Variants in SEC23IP observed in about 807,000 individuals in gnomAD.
SEC23IP encodes the protein SEC23 interacting protein.
A neutral mutation model predicts 113.4 loss-of-function variants in SEC23IP; 70 were observed. The ratio of observed to expected loss-of-function variants is 0.62; its 90% CI spans 0.51 to 0.75. SEC23IP has a LOEUF of 0.75. Among genes scored for constraint, SEC23IP ranks in the 30% least tolerant of loss-of-function variants. The pLI, the probability that SEC23IP is intolerant of heterozygous loss-of-function variation, is 0.00. For missense variants in SEC23IP, 1,160 were observed against 1,204.9 expected (o/e 0.96, Z 0.55); for synonymous variants, 398 against 421.0 (o/e 0.95, Z 0.67).
intron 12 of SEC23IP, among the ~76,000 whole-genome samples, chr10:119,924,786 T>C (rs1165627082): frequency 6.6e-6 from 1 of 151,964 alleles, no homozygotes; most frequent in Admixed American, 6.6e-5. Flanking sequence ...TTTAAAAAAT[T>C]ATATTTTTTG....
At chr10:119,926,311 A>C in intron 13 of SEC23IP, 84 bp downstream of exon 13, 1 of 1,299,888 alleles carries the variant, frequency 7.7e-7, no homozygotes, top group East Asian at 2.4e-5. Flanking sequence ...AGTTCTTTAA[A>C]TATTTATTTA....
At chr10:119,912,885 C>CCCTGGCCTCAAGTCAAGG (rs1163864237) in intron 6 of SEC23IP, among the ~76,000 whole-genome samples, 2 of 152,194 alleles carry the variant, frequency 1.3e-5, no homozygotes, top group Non-Finnish European at 2.9e-5. Context: ...AAGTCATCCA[C>CCCTGGCCTCAAGTCAAGG]CTGCCTCAGC....
At position 119,926,674 on chromosome 10, in the gene SEC23IP, A is replaced by G. The variant is rs562724674; in HGVS notation, c.2313+447A>G. ...GCTGCATTTAATGATATACTTTAAC[A>G]TACTTGTATCACAGTGGCTTTTAGA... On this transcript the variant is annotated intron_variant, in intron 13 of 18. Transcript: ENST00000369075. Among the ~76,000 whole-genome samples, 4 of 152,320 alleles carry G rather than the reference A, an allele frequency of 2.6e-5. No individual in the cohort carries two copies. In the South Asian group the frequency reaches 6.2e-4, roughly 24 times the overall value.
At position 119,898,668 on chromosome 10, in the gene SEC23IP, A is replaced by G. The variant is rs779038068; in HGVS notation, c.405A>G (p.Pro135=). ...AAGATGTCTCGAATGCATTTTCACCATCCATTTCGAAGGCTCAACCTGGTG... is the reference window on the plus strand; with the variant it reads ...AAGATGTCTCGAATGCATTTTCACCGTCCATTTCGAAGGCTCAACCTGGTG... The part of the protein sequence containing the change: ...GSQDVSNAFS[P]SISKAQPGAP... Residue 135 remains proline, a synonymous_variant, in exon 2 of 19, where the codon CCA becomes CCG. Coordinates refer to ENST00000369075, the MANE Select transcript of SEC23IP (RefSeq NM_007190.4). 2 of 1,614,178 alleles carry G rather than the reference A, an allele frequency of 1.2e-6. No homozygotes were observed. Among genetic ancestry groups the G allele is most frequent in the Admixed American group, 1.7e-5 (1 of 60,026 alleles).
chr10:119,918,022 C>T lies in SEC23IP; in HGVS notation c.1731C>T (p.Val577=), dbSNP rs1283809621. 6.2e-7 allele frequency: 1 copy of T among 1,613,826 alleles called. No homozygotes were observed. The highest frequency in any genetic ancestry group is 1.3e-5 in the African/African-American group (1 of 75,046). Residue 577 remains valine, a synonymous_variant, in exon 9 of 19, where the codon GTC becomes GTT. Coordinates refer to ENST00000369075, the MANE Select transcript of SEC23IP (RefSeq NM_007190.4). ...MSRNPDFKGG[V]SVAGHSLGSL... is the part of the protein sequence containing the mutation. ...GGAACCCAGACTTCAAAGGAGGTGTCTCTGTTGCTGGTCACAGTTTAGGTA... is the reference window on the plus strand; with the variant it reads ...GGAACCCAGACTTCAAAGGAGGTGTTTCTGTTGCTGGTCACAGTTTAGGTA...
Position 119,926,715 on chromosome 10 carries a change from T to C in SEC23IP, c.2313+488T>C, listed in dbSNP as rs145676813. Among the ~76,000 whole-genome samples the C allele has an allele frequency of 1.9e-3, 288 of 152,340 alleles. 1 individual carries two copies. Among genetic ancestry groups the C allele is most frequent in the African/African-American group, 6.6e-3 (276 of 41,576 alleles). On this transcript the variant is annotated intron_variant, in intron 13 of 18. Coordinates refer to ENST00000369075, the MANE Select transcript of SEC23IP (RefSeq NM_007190.4). ...GGCTTTTAGAATTATTAAAATCCTT[T>C]TAGACAGTGTTACTGTCAGGATATT... is the stretch of plus-strand genomic sequence containing the variant.
intron 4 of SEC23IP, among the ~76,000 whole-genome samples, chr10:119,907,992 T>C (rs547307380): frequency 2.0e-5 from 3 of 152,266 alleles, no homozygotes; most frequent in Non-Finnish European, 4.4e-5. Context: ...ACTATTGATA[T>C]CACATCTACA....
chr10:119,909,988 A>G (rs745762191), intron 5 of SEC23IP, among the ~76,000 whole-genome samples: 112 of 152,324 alleles, frequency 7.4e-4, no homozygotes, highest in Non-Finnish European at 1.4e-3. Context: ...AATTTTTTTC[A>G]CTTGATCAGA....
In SEC23IP at chr10:119,930,366, T is replaced by C; in HGVS notation, c.2507T>C (p.Val836Ala). ...PVAYRLEPMI[V>A]PDLDLKAVLI... The stretch of plus-strand genomic sequence containing the variant: ...GCATATAGATTAGAACCTATGATTG[T>C]TCCAGATTTGGACCTAAAAGCTGTT... The change falls in exon 15 of 19, where the codon GTT (valine) becomes GCT (alanine). Residue 836 changes from valine to alanine, a missense_variant. By Grantham distance (64) the Val-to-Ala change is moderately conservative. Coordinates refer to ENST00000369075, the MANE Select transcript of SEC23IP (RefSeq NM_007190.4). The C allele has an allele frequency of 3.7e-6, 6 of 1,610,906 alleles. No individual in the cohort carries two copies. Among genetic ancestry groups the C allele is most frequent in the Non-Finnish European group, 5.1e-6 (6 of 1,177,502 alleles).
chr10:119,931,130 G>C (rs537568128), intron 15 of SEC23IP, among the ~76,000 whole-genome samples: 14 of 152,008 alleles, frequency 9.2e-5, no homozygotes, highest in Admixed American at 3.9e-4. Context: ...AAGTGAAGGA[G>C]CAGGGATTTC....
In SEC23IP at chr10:119,904,205, T is replaced by C; in HGVS notation, c.1029T>C (p.Cys343=). Residue 343 remains cysteine (C), a synonymous_variant, in exon 4 of 19, where the codon TGT becomes TGC. Transcript: ENST00000369075. ...WEEEPAEVRR[C]TWFYKGDTDS... Reference sequence around the variant, plus strand: ...AGGAGCCAGCCGAAGTGAGACGCTGTACTTGGTTTTACAAGGGGGACACAG... The same window carrying C: ...AGGAGCCAGCCGAAGTGAGACGCTGCACTTGGTTTTACAAGGGGGACACAG... The C allele has an allele frequency of 6.2e-7, 1 of 1,614,242 alleles. No homozygotes were observed. Among genetic ancestry groups the C allele is most frequent in the Non-Finnish European group, 8.5e-7 (1 of 1,180,032 alleles).
At chr10:119,905,802 G>A (rs910477637) in intron 4 of SEC23IP, among the ~76,000 whole-genome samples, 1 of 151,958 alleles carries the variant, frequency 6.6e-6, no homozygotes, top group South Asian at 2.1e-4. Context: ...ATTAACATAC[G>A]TAAATTAGTA....
intron 14 of SEC23IP, 151 bp downstream of exon 14, chr10:119,929,913 C>G: frequency 1.7e-6 from 1 of 574,636 alleles, no homozygotes; most frequent in South Asian, 2.6e-5. Flanking sequence ...CCTCCCAAAT[C>G]GCTAGGATTA....
intron 15 of SEC23IP, among the ~76,000 whole-genome samples, chr10:119,931,844 G>C (rs774831265): frequency 6.6e-6 from 1 of 150,682 alleles, no homozygotes; most frequent in Admixed American, 6.6e-5. Context: ...GAGACACCGC[G>C]CCTGAATGTG....
intron 13 of SEC23IP, 37 bp downstream of exon 13, chr10:119,926,264 G>A: frequency 1.3e-6 from 2 of 1,535,798 alleles, no homozygotes; most frequent in Non-Finnish European, 8.9e-7. Flanking sequence ...CATAGTTCAT[G>A]TTGGAATCAT....
rs1232395741 is a variant in SEC23IP at position 119,917,997 on chromosome 10, G to A, written c.1706G>A (p.Arg569Gln). Residue 569 changes from arginine to glutamine, a missense_variant, in exon 9 of 19, where the codon CGG becomes CAG. By Grantham distance (43) the Arg-to-Gln change is conservative. Coordinates refer to ENST00000369075, the MANE Select transcript of SEC23IP (RefSeq NM_007190.4). ...INHLHALFMS[R>Q]NPDFKGGVSV... is the part of the protein sequence containing the mutation. ...CATCTGCATGCACTCTTTATGAGTC[G>A]GAACCCAGACTTCAAAGGAGGTGTC... The A allele has an allele frequency of 3.7e-6, 6 of 1,613,920 alleles. No homozygotes were observed. The highest frequency in any genetic ancestry group is 1.6e-4 in the Middle Eastern group (1 of 6,084).
intron 6 of SEC23IP, 137 bp downstream of exon 6, chr10:119,912,301 AT>A (rs1263075373): frequency 1.0e-6 from 1 of 952,722 alleles, no homozygotes; most frequent in Non-Finnish European, 1.5e-6. Context: ...CCCAGCTAAT[AT>A]TTCTATTTTT....
In SEC23IP at chr10:119,926,194, G is replaced by T; in HGVS notation, c.2280G>T (p.Val760=). Residue 760 remains valine, a synonymous_variant, in exon 13 of 19, where the codon GTG becomes GTT. Coordinates refer to ENST00000369075, the MANE Select transcript of SEC23IP (RefSeq NM_007190.4). ...GTGCTTGCGTGTCTTCTGTGTGTGT[G>T]AATTATGAATCTTTTGAAGTTGGCG... The part of the protein sequence containing the change: ...PVGACVSSVC[V]NYESFEVGAG... 1 of 1,614,106 alleles carries T rather than the reference G, an allele frequency of 6.2e-7. No homozygotes were observed. Among genetic ancestry groups the T allele is most frequent in the Admixed American group, 1.7e-5 (1 of 60,016 alleles).
At chr10:119,928,868 A>G (rs185645410) in intron 13 of SEC23IP, among the ~76,000 whole-genome samples, 1 of 152,378 alleles carries the variant, frequency 6.6e-6, no homozygotes, top group Admixed American at 6.5e-5. Flanking sequence ...TAGTTATAAT[A>G]GTAACAGAAG....
Sources: gnomAD v4.1 joint callset for allele counts (sites outside exome capture counted in the v4.1 genomes callset) on GRCh38, gnomAD v4.1.1 for gene constraint, MANE v1.5 for transcripts, NCBI Gene and HGNC (gene_info 2026-07-23, HGNC 2026-07-21) for gene names.